The following SLC25A37 variants were observed in gnomAD, a reference collection of about 807,000 sequenced individuals.
SLC25A37 encodes the protein solute carrier family 25 member 37, also known as mitoferrin-1.
A neutral mutation model predicts 31.0 loss-of-function variants in SLC25A37; 17 were observed. The observed-to-expected ratio is 0.55, with a 90% CI of 0.38 to 0.82. The LOEUF (loss-of-function observed/expected upper bound fraction) is 0.82, where lower values mean the gene tolerates loss of function less well. Ranked by LOEUF, SLC25A37 falls within the 40% of genes least tolerant of loss-of-function variation. SLC25A37 has a pLI of 0.00. For missense variants in SLC25A37, 404 were observed against 465.8 expected (o/e 0.87, Z 1.22); for synonymous variants, 222 against 193.0 (o/e 1.15, Z -1.24).
At chr8:23,538,380 C>CAAAAAAAAAAAAAAAAAAAAAAAAA (rs1286476649) in intron 1 of SLC25A37, among the ~76,000 whole-genome samples, 1 of 10,766 alleles carries the variant, frequency 9.3e-5, no homozygotes, top group Non-Finnish European at 2.0e-4. Context: ...GACTTCATCT[C>CAAAAAAAAAAAAAAAAAAAAAAAAA]AAAAAAAAAA....
chr8:23,560,675 C>G (rs1802493183), intron 1 of SLC25A37, among the ~76,000 whole-genome samples: 1 of 152,232 alleles, frequency 6.6e-6, no homozygotes, highest in Non-Finnish European at 1.5e-5. Flanking sequence ...TTGCCTCTGT[C>G]TGGGGCTTGT....
chr8:23,549,599 G>A (rs1034714385), intron 1 of SLC25A37, among the ~76,000 whole-genome samples: 9 of 152,204 alleles, frequency 5.9e-5, no homozygotes, highest in African/African-American at 2.2e-4. Flanking sequence ...CTGGTGTCCT[G>A]TCATCTTTCT....
chr8:23,542,993 C>G (rs760916938), intron 1 of SLC25A37: 2 of 152,018 alleles, frequency 1.3e-5, no homozygotes, highest in Non-Finnish European at 2.9e-5. Flanking sequence ...AGTGTTATTA[C>G]AAGAGTCAAA....
At chr8:23,566,771 C>G in intron 2 of SLC25A37, 1 of 991,346 alleles carries the variant, frequency 1.0e-6, no homozygotes, top group Non-Finnish European at 1.2e-6. Flanking sequence ...AAAACTGGTA[C>G]AACAGGTCTC....
At chr8:23,536,346 C>T (rs1251740857) in intron 1 of SLC25A37, among the ~76,000 whole-genome samples, 1 of 152,188 alleles carries the variant, frequency 6.6e-6, no homozygotes, top group Non-Finnish European at 1.5e-5. Context: ...TACTTCCTCA[C>T]TGCCACCCCT....
chr8:23,547,329 G>A (rs542290865), intron 1 of SLC25A37, among the ~76,000 whole-genome samples: 46 of 152,172 alleles, frequency 3.0e-4, no homozygotes, highest in Non-Finnish European at 1.0e-4. Context: ...GAAGCAAGGC[G>A]AAAGCAGATC....
At chr8:23,555,310 A>T (rs1260266746) in intron 1 of SLC25A37, among the ~76,000 whole-genome samples, 3 of 152,196 alleles carry the variant, frequency 2.0e-5, no homozygotes, top group African/African-American at 7.2e-5. Context: ...GACAGCTCTA[A>T]TTCTTACAGC....
Position 23,574,183 on chromosome 8 carries a change from G to A in SLC25A37, c.*2328G>A, listed in dbSNP as rs954365586. On this transcript the variant is annotated 3_prime_UTR_variant, in exon 4 of 4. Transcript: ENST00000519973. ...AGGGATGCAAGAAGGAGAGGTGAAG[G>A]TGGCGTGTGGTGGCTCATGCCTGTA... The A allele has an allele frequency of 7.6e-6, 2 of 264,128 alleles. No individual in the cohort carries two copies. Among genetic ancestry groups the A allele is most frequent in the Non-Finnish European group, 1.5e-5 (2 of 129,860 alleles). 16.4% of individuals were successfully genotyped at this position (264,128 alleles called of 1,614,324 possible).
At chr8:23,558,680 T>C (rs1802430895) in intron 1 of SLC25A37, among the ~76,000 whole-genome samples, 1 of 152,206 alleles carries the variant, frequency 6.6e-6, no homozygotes, top group African/African-American at 2.4e-5. Flanking sequence ...ACAGAGTTCA[T>C]ATCACTGGGA....
chr8:23,533,365 C>T (rs1801699354), intron 1 of SLC25A37, among the ~76,000 whole-genome samples: 1 of 152,172 alleles, frequency 6.6e-6, no homozygotes, highest in Non-Finnish European at 1.5e-5. Context: ...TAATCAGCTG[C>T]TTTGCTTAAA....
At chr8:23,562,516 C>G (rs1168975906) in intron 1 of SLC25A37, among the ~76,000 whole-genome samples, 1 of 152,016 alleles carries the variant, frequency 6.6e-6, no homozygotes, top group African/African-American at 2.4e-5. Context: ...ATTGGGTTCC[C>G]AATAAATCAT....
chr8:23,532,817 G>A (rs1585439935), intron 1 of SLC25A37, among the ~76,000 whole-genome samples: 1 of 152,342 alleles, frequency 6.6e-6, no homozygotes, highest in East Asian at 1.9e-4. Flanking sequence ...CCTCTTCTGA[G>A]TTTTCTCCTG....
Position 23,572,031 on chromosome 8 carries a change from C to CG in SLC25A37, c.*180dup. 1 of 686,432 alleles carries CG rather than the reference C, an allele frequency of 1.5e-6. No individual in the cohort carries two copies. The allele number at this position is 686,432 out of a possible 1,614,324, so 42.5% of individuals were successfully genotyped here. ...CGGCCGCTCACCGGAAGGCTGTGTG[C>CG]GGGGACATCCGAGGTGGTGGTGGAC... On this transcript the variant is annotated 3_prime_UTR_variant, in exon 4 of 4. Transcript: ENST00000519973.
intron 1 of SLC25A37, among the ~76,000 whole-genome samples, chr8:23,543,916 A>T (rs1490972527): frequency 6.6e-6 from 1 of 151,970 alleles, no homozygotes; most frequent in South Asian, 2.1e-4. Flanking sequence ...GCTGGAATGC[A>T]GTGGCAGAAT....
rs1352391254 is a variant in SLC25A37, at chr8:23,550,042, G to A, written c.211-16066G>A. Among the ~76,000 whole-genome samples, 6 of 137,432 alleles carry A rather than the reference G, an allele frequency of 4.4e-5. 1 individual carries two copies. The highest frequency in any genetic ancestry group is 7.0e-5 in the Admixed American group (1 of 14,226). 90.2% of individuals were successfully genotyped at this position (137,432 alleles called of 152,430 possible). On this transcript the variant is annotated intron_variant, in intron 1 of 3. Transcript: ENST00000519973. ...ACTAAAAATACAAAATTAGTTGGGT[G>A]CGGTGGCACATGCCTGTAATCCCAG...
chr8:23,551,528 G>A (rs1221798134), intron 1 of SLC25A37, among the ~76,000 whole-genome samples: 1 of 151,794 alleles, frequency 6.6e-6, no homozygotes, highest in Non-Finnish European at 1.5e-5. Context: ...GGAAGGAATT[G>A]GTAAAAATGA....
intron 1 of SLC25A37, among the ~76,000 whole-genome samples, chr8:23,530,539 C>T (rs777896074): frequency 5.9e-5 from 9 of 152,242 alleles, no homozygotes; most frequent in Non-Finnish European, 8.8e-5. Context: ...AAGCCTGAGC[C>T]ATCACCCATA....
chr8:23,546,612 G>A (rs1319947315), intron 1 of SLC25A37, among the ~76,000 whole-genome samples: 4 of 132,358 alleles, frequency 3.0e-5, no homozygotes, highest in African/African-American at 5.6e-5. Flanking sequence ...ATGTGTGTGT[G>A]TGTGTGTGTA....
Position 23,539,143 on chromosome 8 carries a change from C to T in SLC25A37, c.210+9931C>T, listed in dbSNP as rs543056148. ...ATGGTTTCACATTCATGCTTTCTCT[C>T]TGAAGAGAAAACAAAACATGTTGAA... On this transcript the variant is annotated intron_variant, in intron 1 of 3. Coordinates refer to ENST00000519973, the MANE Select transcript of SLC25A37 (RefSeq NM_016612.4). Among the ~76,000 whole-genome samples, 4 of 152,194 alleles carry T rather than the reference C, an allele frequency of 2.6e-5. No homozygotes were observed. In the South Asian group the frequency reaches 8.3e-4, roughly 31 times the overall value.
Sources: allele counts gnomAD v4.1 joint callset (sites outside exome capture counted in the v4.1 genomes callset), GRCh38; gene constraint gnomAD v4.1.1; transcripts MANE v1.5; gene names NCBI Gene and HGNC (gene_info 2026-07-23, HGNC 2026-07-21).